The following CPNE4 variants were observed in gnomAD, a reference collection of about 807,000 sequenced individuals.
CPNE4 encodes copine-4.
In CPNE4, 25 loss-of-function variants were observed where a neutral mutation model predicts 67.9. That is an observed-to-expected ratio of 0.37 (90% CI 0.27 to 0.51). The LOEUF is 0.51. Among genes scored for constraint, CPNE4 ranks in the 20% least tolerant of loss-of-function variants. The pLI is 0.93. For synonymous variants in CPNE4, 242 were observed against 244.9 expected (o/e 0.99, Z 0.11); for missense variants, 464 against 690.8 (o/e 0.67, Z 3.68).
intron 2 of CPNE4, among the ~76,000 whole-genome samples, chr3:131,871,033 A>G (rs1350244982): frequency 6.6e-6 from 1 of 152,178 alleles, no homozygotes; most frequent in Non-Finnish European, 1.5e-5. Context: ...AAGCCACTTT[A>G]GTAGTCCATG....
In CPNE4 at chr3:131,848,956, C is replaced by CAAAAAAAAAAAAAAAAAAAAA. The variant is rs67407668; in HGVS notation, c.180+56287_180+56307dup. Among the ~76,000 whole-genome samples, 3 of 79,636 alleles carry CAAAAAAAAAAAAAAAAAAAAA rather than the reference C, an allele frequency of 3.8e-5. 1 individual carries two copies. The highest frequency in any genetic ancestry group is 2.1e-4 in the African/African-American group (3 of 14,492). 52.2% of individuals were successfully genotyped at this position (79,636 alleles called of 152,430 possible). On this transcript the variant is annotated intron_variant, in intron 2 of 15. Coordinates refer to ENST00000429747, the MANE Select transcript of CPNE4 (RefSeq NM_130808.3). ...ACTGGTGGAATGACAGTAGTGATTA[C>CAAAAAAAAAAAAAAAAAAAAA]AAAAAAAAAAAAAAAAAAAAAAAAA...
At chr3:131,686,067 T>A in intron 5 of CPNE4, 109 bp from the exon 6 acceptor site, 1 of 660,074 alleles carries the variant, frequency 1.5e-6, no homozygotes, top group Non-Finnish European at 2.7e-6. Context: ...TCCTATTTTT[T>A]ATATGTGGAA....
intron 8 of CPNE4, among the ~76,000 whole-genome samples, chr3:131,586,677 G>C (rs1306625416): frequency 6.6e-6 from 1 of 152,124 alleles, no homozygotes; most frequent in Non-Finnish European, 1.5e-5. Context: ...ACAATAAACA[G>C]GTAAAAGGAG....
At chr3:131,715,589 AG>A (rs2081664505) in intron 3 of CPNE4, among the ~76,000 whole-genome samples, 1 of 152,232 alleles carries the variant, frequency 6.6e-6, no homozygotes, top group Non-Finnish European at 1.5e-5. Flanking sequence ...CCTACCTCTC[AG>A]GGATGTTGTG....
intron 1 of CPNE4, among the ~76,000 whole-genome samples, chr3:132,012,606 G>A (rs908203746): frequency 1.3e-5 from 2 of 152,296 alleles, no homozygotes; most frequent in East Asian, 1.9e-4. Flanking sequence ...GCCACCAAGA[G>A]GCTCCTGGGC....
chr3:131,669,650 CA>C (rs774965180), intron 7 of CPNE4, 24 bp downstream of exon 7: 2 of 1,546,796 alleles, frequency 1.3e-6, no homozygotes, highest in South Asian at 2.3e-5. Context: ...TAAAAAATCA[CA>C]TTTCTTGGAC....
At chr3:131,633,766 A>T (rs12638352) in intron 7 of CPNE4, among the ~76,000 whole-genome samples, 36,960 of 147,594 alleles carry the variant, frequency 0.25, 6,876 homozygotes, top group African/African-American at 0.57. Flanking sequence ...TAACTTTTTT[A>T]TTTTTAAAAA....
chr3:131,909,701 A>G (rs1018073549), intron 1 of CPNE4, among the ~76,000 whole-genome samples: 2 of 152,156 alleles, frequency 1.3e-5, no homozygotes, highest in Admixed American at 6.6e-5. Flanking sequence ...AATAGTGGCA[A>G]TCTTATACAT....
intron 1 of CPNE4, among the ~76,000 whole-genome samples, chr3:132,032,291 G>A (rs2074253304): frequency 6.6e-6 from 1 of 152,104 alleles, no homozygotes; most frequent in Non-Finnish European, 1.5e-5. Context: ...GCCTGTGTCT[G>A]GGAGAATAAA....
At chr3:131,956,577 G>A (rs9831408) in intron 1 of CPNE4, among the ~76,000 whole-genome samples, 81,525 of 151,586 alleles carry the variant, frequency 0.54, 22,704 homozygotes, top group Admixed American at 0.68. Context: ...TATCATAAAT[G>A]TATAGAAAAA....
intron 7 of CPNE4, among the ~76,000 whole-genome samples, chr3:131,625,400 A>G (rs2079049605): frequency 6.6e-6 from 1 of 152,218 alleles, no homozygotes; most frequent in Non-Finnish European, 1.5e-5. Context: ...TCCTACTATA[A>G]AGTTAAAAGC....
chr3:131,720,923 C>T (rs6809203), intron 3 of CPNE4, among the ~76,000 whole-genome samples: 3 of 152,154 alleles, frequency 2.0e-5, no homozygotes, highest in African/African-American at 7.2e-5. Context: ...TATAATGTTC[C>T]CATCTGCTTA....
intron 11 of CPNE4, among the ~76,000 whole-genome samples, chr3:131,556,984 G>T (rs1559892291): frequency 6.6e-6 from 1 of 152,058 alleles, no homozygotes. Flanking sequence ...CCTCAGAAAG[G>T]CTAAGTGGCC....
chr3:131,872,718 A>C (rs573834897), intron 2 of CPNE4, among the ~76,000 whole-genome samples: 4,840 of 152,274 alleles, frequency 0.032, 253 homozygotes, highest in African/African-American at 0.11. Flanking sequence ...CTCTCTCTTT[A>C]TCTCTCGGGA....
intron 2 of CPNE4, among the ~76,000 whole-genome samples, chr3:131,761,733 C>A (rs760992238): frequency 3.9e-5 from 6 of 152,072 alleles, no homozygotes; most frequent in Non-Finnish European, 7.4e-5. Context: ...GACCCTAGAA[C>A]TTTTACCATT....
At chr3:131,874,662 A>C (rs2087364354) in intron 2 of CPNE4, among the ~76,000 whole-genome samples, 1 of 152,222 alleles carries the variant, frequency 6.6e-6, no homozygotes, top group South Asian at 2.1e-4. Context: ...TTTAAAATAA[A>C]ATGATGCTAC....
intron 2 of CPNE4, among the ~76,000 whole-genome samples, chr3:131,850,464 G>C (rs1464925039): frequency 6.6e-6 from 1 of 152,072 alleles, no homozygotes; most frequent in Non-Finnish European, 1.5e-5. Context: ...AAATTAAGTA[G>C]GGAATGTAGA....
In CPNE4 at chr3:131,597,002, A is replaced by G. The variant is rs142887770; in HGVS notation, c.682-9420T>C. ...TGAAACGAGTTTTCAGTGACACTCAATTGGTCCTCTCATACTAAAATGCCA... is the reference window on the plus strand; with the variant it reads ...TGAAACGAGTTTTCAGTGACACTCAGTTGGTCCTCTCATACTAAAATGCCA... On this transcript the variant is annotated intron_variant, in intron 7 of 15. Coordinates refer to ENST00000429747, the MANE Select transcript of CPNE4 (RefSeq NM_130808.3). Among the ~76,000 whole-genome samples, 8 of 152,300 alleles carry G rather than the reference A, an allele frequency of 5.3e-5. No homozygotes were observed. The East Asian group carries it at 7.7e-4, about 15-fold the overall frequency.
intron 3 of CPNE4, among the ~76,000 whole-genome samples, chr3:131,719,876 A>C (rs577672125): frequency 1.3e-5 from 2 of 152,348 alleles, no homozygotes; most frequent in East Asian, 3.9e-4. Context: ...CTTTCCAAGA[A>C]AAATCCACAT....
Sources: gnomAD v4.1 joint callset for allele counts (sites outside exome capture counted in the v4.1 genomes callset) on GRCh38, gnomAD v4.1.1 for gene constraint, MANE v1.5 for transcripts, NCBI Gene and HGNC (gene_info 2026-07-23, HGNC 2026-07-21) for gene names.